ROBO1: variants seen among roughly 807,000 people sequenced by gnomAD.
The protein encoded by ROBO1 is roundabout homolog 1.
In ROBO1, 149 loss-of-function variants were observed where a neutral mutation model predicts 195.9. The ratio of observed to expected loss-of-function variants is 0.76; its 90% CI spans 0.67 to 0.87. The LOEUF is 0.87. ROBO1 is among the 40% of genes least tolerant of loss of function. The probability of loss-of-function intolerance (pLI) is 0.00; values close to 1 mark genes in which losing one functional copy is unlikely to be tolerated. For synonymous variants in ROBO1, 816 were observed against 733.2 expected (o/e 1.11, Z -1.82); for missense variants, 1,933 against 2,068.3 (o/e 0.93, Z 1.27).
At chr3:78,660,718 C>T (rs1424822084) in intron 16 of ROBO1, 1 of 210,794 alleles carries the variant, frequency 4.7e-6, no homozygotes, top group African/African-American at 2.3e-5. Flanking sequence ...GGAAAATAAA[C>T]CAAACGGAAA....
At chr3:79,089,286 C>A (rs902903071) in intron 3 of ROBO1, among the ~76,000 whole-genome samples, 25 of 152,086 alleles carry the variant, frequency 1.6e-4, no homozygotes, top group Non-Finnish European at 3.2e-4. Flanking sequence ...CAGTGGTCCC[C>A]ATTGTTAGCA....
intron 2 of ROBO1, among the ~76,000 whole-genome samples, chr3:79,526,323 C>T (rs771537413): frequency 5.3e-5 from 8 of 152,076 alleles, no homozygotes; most frequent in Non-Finnish European, 8.8e-5. Context: ...GGGAAAAGTT[C>T]GACATGGGTT....
rs2081936633 is a variant in ROBO1, at chr3:78,717,706, C to T, written c.778+57G>A. 7 of 1,576,500 alleles carry T rather than the reference C, an allele frequency of 4.4e-6. No individual in the cohort carries two copies. The South Asian group carries it at 6.9e-5, about 16-fold the overall frequency. On this transcript the variant is annotated intron_variant, in intron 6 of 30. Coordinates refer to ENST00000464233, the MANE Select transcript of ROBO1 (RefSeq NM_002941.4). ...TTTTTCTTTCCCCCTTGTATACAGA[C>T]ACAAAATGATAAGAGATCTATTTTT...
At chr3:79,686,022 C>G (rs1365152695) in intron 1 of ROBO1, among the ~76,000 whole-genome samples, 1 of 152,156 alleles carries the variant, frequency 6.6e-6, no homozygotes, top group African/African-American at 2.4e-5. Context: ...AGCTTATCCA[C>G]CATGATCAAG....
chr3:79,075,361 G>A (rs1041432969), intron 3 of ROBO1, among the ~76,000 whole-genome samples: 2 of 151,966 alleles, frequency 1.3e-5, no homozygotes, highest in African/African-American at 2.4e-5. Flanking sequence ...AGAAATATAG[G>A]TCTGTAATCA....
intron 5 of ROBO1, among the ~76,000 whole-genome samples, chr3:78,720,613 T>G (rs1377175307): frequency 6.6e-6 from 1 of 152,218 alleles, no homozygotes; most frequent in Non-Finnish European, 1.5e-5. Flanking sequence ...CAAAGGATTA[T>G]AAATCATGCT....
chr3:79,524,272 A>G (rs1328236458), intron 2 of ROBO1, among the ~76,000 whole-genome samples: 1 of 151,984 alleles, frequency 6.6e-6, no homozygotes, highest in East Asian at 1.9e-4. Flanking sequence ...TGAACTGTAA[A>G]CATCATAGAA....
At chr3:78,627,195 T>C (rs1306592978) in intron 26 of ROBO1, 126 bp downstream of exon 26, 3 of 1,001,968 alleles carry the variant, frequency 3.0e-6, no homozygotes, top group Admixed American at 2.8e-5. Context: ...GGGTTTACTA[T>C]GGGATGATAC....
At chr3:79,270,438 T>TA (rs139100189) in intron 2 of ROBO1, among the ~76,000 whole-genome samples, 4,955 of 150,344 alleles carry the variant, frequency 0.033, 239 homozygotes, top group African/African-American at 0.11. Context: ...AATGTCAACT[T>TA]AAAAAAAAAC....
intron 3 of ROBO1, among the ~76,000 whole-genome samples, chr3:79,061,031 T>C (rs950920582): frequency 2.0e-5 from 3 of 152,020 alleles, no homozygotes; most frequent in Admixed American, 6.6e-5. Flanking sequence ...AAATAAAGGG[T>C]ATTTGGTTAG....
intron 1 of ROBO1, among the ~76,000 whole-genome samples, chr3:79,620,260 C>T (rs967670981): frequency 6.6e-6 from 1 of 152,164 alleles, no homozygotes; most frequent in Non-Finnish European, 1.5e-5. Flanking sequence ...CTGACTCCTT[C>T]CCAGAACTTC....
chr3:79,122,252 C>T (rs950689233), intron 3 of ROBO1, among the ~76,000 whole-genome samples: 1 of 151,956 alleles, frequency 6.6e-6, no homozygotes, highest in African/African-American at 2.4e-5. Context: ...TTATGACACG[C>T]GTGGTTAAAC....
intron 1 of ROBO1, among the ~76,000 whole-genome samples, chr3:79,659,015 G>C (rs564739356): frequency 6.6e-6 from 1 of 152,082 alleles, no homozygotes; most frequent in South Asian, 2.1e-4. Flanking sequence ...GATTACAGGT[G>C]TGAGCCACTG....
chr3:79,445,481 GTTTT>G (rs34514488), intron 2 of ROBO1, among the ~76,000 whole-genome samples: 27 of 85,706 alleles, frequency 3.2e-4, no homozygotes, highest in African/African-American at 7.4e-4. Flanking sequence ...TACAGAAATT[GTTTT>G]TTTTTTTTTT....
chr3:78,698,364 G>C (rs528379129), intron 8 of ROBO1, among the ~76,000 whole-genome samples: 1 of 151,956 alleles, frequency 6.6e-6, no homozygotes, highest in Non-Finnish European at 1.5e-5. Flanking sequence ...TTCTTTTGGG[G>C]GAAAAGATTG....
chr3:79,361,609 A>G (rs1248652975), intron 2 of ROBO1, among the ~76,000 whole-genome samples: 1 of 152,080 alleles, frequency 6.6e-6, no homozygotes, highest in African/African-American at 2.4e-5. Flanking sequence ...TTTTAAATTC[A>G]ATGTCGAACT....
chr3:79,064,405 C>T (rs747892126), intron 3 of ROBO1, among the ~76,000 whole-genome samples: 15 of 151,946 alleles, frequency 9.9e-5, no homozygotes, highest in Non-Finnish European at 2.1e-4. Flanking sequence ...TTCCTGACTG[C>T]TAATCAATAT....
At chr3:79,323,498 A>C (rs1016171666) in intron 2 of ROBO1, among the ~76,000 whole-genome samples, 2 of 152,182 alleles carry the variant, frequency 1.3e-5, no homozygotes, top group Admixed American at 1.3e-4. Flanking sequence ...TCATTTGCAC[A>C]GAAAACTATC....
At chr3:79,470,858 G>T (rs1307299757) in intron 2 of ROBO1, among the ~76,000 whole-genome samples, 1 of 152,102 alleles carries the variant, frequency 6.6e-6, no homozygotes, top group East Asian at 1.9e-4. Context: ...AAATTACCCA[G>T]TCTTGCGTTT....
Sources: gnomAD v4.1 joint callset for allele counts (sites outside exome capture counted in the v4.1 genomes callset) on GRCh38, gnomAD v4.1.1 for gene constraint, MANE v1.5 for transcripts, NCBI Gene and HGNC (gene_info 2026-07-23, HGNC 2026-07-21) for gene names.